The following SSRP1 variants were observed in gnomAD, a reference collection of about 807,000 sequenced individuals.
SSRP1 encodes structure specific recognition protein 1.
Under a neutral mutation model 84.4 loss-of-function variants are expected in SSRP1, and 21 were observed. The observed-to-expected ratio is 0.25, with a 90% confidence interval of 0.18 to 0.36. SSRP1 has a LOEUF of 0.36. SSRP1 is among the 10% of genes least tolerant of loss of function. The probability of loss-of-function intolerance (pLI) is 1.00; values close to 1 mark genes in which losing one functional copy is unlikely to be tolerated. For missense variants in SSRP1, 519 were observed against 900.8 expected (o/e 0.58, Z 5.43); for synonymous variants, 319 against 318.3 (o/e 1.00, Z -0.02).
intron 15 of SSRP1, chr11:57,327,184 C>A: frequency 1.5e-6 from 1 of 648,964 alleles, no homozygotes; most frequent in Non-Finnish European, 2.6e-6. Flanking sequence ...GTATTTTTTT[C>A]GTTCCCCCAT....
chr11:57,327,156 G>A (rs999932432), intron 15 of SSRP1: 5 of 664,098 alleles, frequency 7.5e-6, no homozygotes, highest in Non-Finnish European at 1.0e-5. Flanking sequence ...TGCAAACTGT[G>A]CACTGCACTC....
At position 57,326,808 on chromosome 11, in the gene SSRP1, C is replaced by G; in HGVS notation, c.1953G>C (p.Ser651=). ...STPSRGSSSK[S]SSRQLSESFK... ...AGCTCTCGCTTAGCTGCCTTGAGGA[C>G]GACTTGGATGATGAGCCCCTAGAGG... Residue 651 remains serine (S), a synonymous_variant, in exon 16 of 17, where the codon TCG becomes TCC. Transcript: ENST00000278412. The G allele has an allele frequency of 1.2e-6, 2 of 1,614,218 alleles. No homozygotes were observed. Among genetic ancestry groups the G allele is most frequent in the South Asian group, 2.2e-5 (2 of 91,088 alleles).
chr11:57,332,079 A>G lies in SSRP1; in HGVS notation c.1001+73T>C. 1 of 1,604,752 alleles carries G rather than the reference A, an allele frequency of 6.2e-7. No homozygotes were observed. The highest frequency in any genetic ancestry group is 8.5e-7 in the Non-Finnish European group (1 of 1,176,526). On this transcript the variant is annotated intron_variant, in intron 8 of 16. Coordinates refer to ENST00000278412, the MANE Select transcript of SSRP1 (RefSeq NM_003146.3). This position sits in a 1 kb window ranked among gnomAD's most constrained non-coding sequence, Gnocchi z 5.5. ...CTCTAGGAGGCCGCATTCCCATCTCAGGAAGGGTTTACCAAGGAGACACGG... is the reference window on the plus strand; with the variant it reads ...CTCTAGGAGGCCGCATTCCCATCTCGGGAAGGGTTTACCAAGGAGACACGG...
In SSRP1 at chr11:57,326,402, C is replaced by T. The variant is rs1294038654; in HGVS notation, c.*5G>A. 23 of 1,614,100 alleles carry T rather than the reference C, an allele frequency of 1.4e-5. No individual in the cohort carries two copies. Among genetic ancestry groups the T allele is most frequent in the East Asian group, 4.5e-5 (2 of 44,890 alleles). ...GGCAAGCGCAAAGAGAACCTTCCTCCGTTTCTACTCATCGGATCCTGACGC... is the reference window on the plus strand; with the variant it reads ...GGCAAGCGCAAAGAGAACCTTCCTCTGTTTCTACTCATCGGATCCTGACGC... On this transcript the variant is annotated 3_prime_UTR_variant, in exon 17 of 17. Coordinates refer to ENST00000278412, the MANE Select transcript of SSRP1 (RefSeq NM_003146.3).
At position 57,332,273 on chromosome 11, in the gene SSRP1, C is replaced by G. The variant is rs765842738; in HGVS notation, c.880G>C (p.Val294Leu). ...SLTLNMNEEE[V>L]EKRFEGRLTK... ...AGCCGACCCTCAAAGCGCTTCTCCA[C>G]TTCTTCCCTACAAAGAAAGCAAGGT... The change falls in exon 8 of 17, where the codon GTG becomes CTG. Residue 294 changes from valine to leucine, a missense_variant. Physicochemically the swap from Val to Leu is conservative, Grantham distance 32 (BLOSUM62 1). Coordinates refer to ENST00000278412, the MANE Select transcript of SSRP1 (RefSeq NM_003146.3). This position sits in a 1 kb window ranked among gnomAD's most constrained non-coding sequence, Gnocchi z 5.5. 6 of 1,614,142 alleles carry G rather than the reference C, an allele frequency of 3.7e-6. No individual in the cohort carries two copies. Among genetic ancestry groups the G allele is most frequent in the Non-Finnish European group, 5.1e-6 (6 of 1,180,038 alleles).
At chr11:57,331,303 G>A (rs1415692771) in intron 9 of SSRP1, among the ~76,000 whole-genome samples, 1 of 152,124 alleles carries the variant, frequency 6.6e-6, no homozygotes, top group Non-Finnish European at 1.5e-5. Flanking sequence ...AGTCCACAGT[G>A]AGCACTCAAT....
chr11:57,335,263 T>G lies in SSRP1; in HGVS notation c.-119-23A>C. ...AATCTGAATTCAAGAGGAAGACAGATAAGCATGAAAGACAGCACCTCGCTG... is the reference window on the plus strand; with the variant it reads ...AATCTGAATTCAAGAGGAAGACAGAGAAGCATGAAAGACAGCACCTCGCTG... On this transcript the variant is annotated intron_variant, in intron 1 of 16. Coordinates refer to ENST00000278412, the MANE Select transcript of SSRP1 (RefSeq NM_003146.3). The surrounding 1 kb of genome is among the most constrained non-coding windows in gnomAD (Gnocchi z 4.6). 1.2e-6 allele frequency: 1 copy of G among 844,310 alleles called. No individual in the cohort carries two copies. Among genetic ancestry groups the G allele is most frequent in the East Asian group, 2.5e-5 (1 of 39,934 alleles). The allele number at this position is 844,310 out of a possible 1,614,324, so 52.3% of individuals were successfully genotyped here.
At position 57,332,977 on chromosome 11, in the gene SSRP1, A is replaced by C. The variant is rs1296513761; in HGVS notation, c.519T>G (p.Asp173Glu). 1 of 1,612,982 alleles carries C rather than the reference A, an allele frequency of 6.2e-7. No individual in the cohort carries two copies. Among genetic ancestry groups the C allele is most frequent in the East Asian group, 2.2e-5 (1 of 44,876 alleles). The change falls in exon 5 of 17, where the codon GAT becomes GAG. Residue 173 changes from aspartate (D) to glutamate (E), a missense_variant. Physicochemically the swap from Asp to Glu is conservative, Grantham distance 45 (BLOSUM62 2). This residue lies in a region of SSRP1 where 159 missense variants were observed against 359.0 expected (regional missense o/e 0.44). Coordinates refer to ENST00000278412, the MANE Select transcript of SSRP1 (RefSeq NM_003146.3). This position sits in a 1 kb window ranked among gnomAD's most constrained non-coding sequence, Gnocchi z 5.5. ...VRFYVPPTQE[D>E]GVDPVEAFAQ... ...GCCTCACCTCAACAGGGTCCACACCATCCTCCTGGGTGGGTGGGACGTAGA... is the reference window on the plus strand; with the variant it reads ...GCCTCACCTCAACAGGGTCCACACCCTCCTCCTGGGTGGGTGGGACGTAGA...
In SSRP1 at chr11:57,327,700, G is replaced by A. The variant is rs200280968; in HGVS notation, c.1782+12C>T. 7.8e-5 allele frequency: 126 copies of A among 1,613,440 alleles called. 1 individual carries two copies. The highest frequency in any genetic ancestry group is 1.0e-4 in the Non-Finnish European group (123 of 1,179,702). ...CCATGAGAGGCATCACCCCTCCTCTGCTGCTACTCACCTCTTTCTTCTCTT... is the reference window on the plus strand; with the variant it reads ...CCATGAGAGGCATCACCCCTCCTCTACTGCTACTCACCTCTTTCTTCTCTT... On this transcript the variant is annotated intron_variant, in intron 14 of 16. Coordinates refer to ENST00000278412, the MANE Select transcript of SSRP1 (RefSeq NM_003146.3).
In SSRP1 at chr11:57,326,836, G is replaced by A. The variant is rs542109626; in HGVS notation, c.1925C>T (p.Thr642Met). The A allele has an allele frequency of 2.0e-5, 32 of 1,614,054 alleles. No individual in the cohort carries two copies. Among genetic ancestry groups the A allele is most frequent in the Admixed American group, 5.0e-5 (3 of 59,982 alleles). Residue 642 changes from threonine to methionine, a missense_variant, in exon 16 of 17, where the codon ACG becomes ATG. Transcript: ENST00000278412. ...KVKVKMEKKS[T>M]PSRGSSSKSS... ...CTTGGATGATGAGCCCCTAGAGGGC[G>A]TGGATTTCTTTTCCATCTTTACCTT...
chr11:57,328,508 A>G (rs1416492971), intron 12 of SSRP1, 82 bp from the exon 13 acceptor site: 2 of 1,567,900 alleles, frequency 1.3e-6, no homozygotes, highest in Non-Finnish European at 1.7e-6. Context: ...GACAAATCCA[A>G]AGATACCCAC....
Position 57,330,913 on chromosome 11 carries a change from T to C in SSRP1, c.1238A>G (p.Lys413Arg), listed in dbSNP as rs377487337. 2.0e-5 allele frequency: 32 copies of C among 1,614,202 alleles called. No homozygotes were observed. Among genetic ancestry groups the C allele is most frequent in the Non-Finnish European group, 2.6e-5 (31 of 1,180,020 alleles). The change falls in exon 10 of 17, where the codon AAA becomes AGA. Residue 413 changes from lysine (K) to arginine (R), a missense_variant. By Grantham distance (26) the Lys-to-Arg change is conservative. This residue lies in a region of SSRP1 where 16 missense variants were observed against 29.0 expected (regional missense o/e 0.55). Coordinates refer to ENST00000278412, the MANE Select transcript of SSRP1 (RefSeq NM_003146.3). The surrounding 1 kb of genome is among the most constrained non-coding windows in gnomAD (Gnocchi z 4.0). ...FSSIEREEYG[K>R]LFDFVNAKKL... is the part of the protein sequence containing the mutation. ...TTTCGCGTTGACAAAATCAAACAGT[T>C]TCCCGTACTCCTCCCTGTGAGGGGA...
At position 57,326,724 on chromosome 11, in the gene SSRP1, T is replaced by A; in HGVS notation, c.2037A>T (p.Lys679Asn). The change falls in exon 16 of 17, where the codon AAA becomes AAT. Residue 679 changes from lysine (K) to asparagine (N), a missense_variant. By Grantham distance (94) the Lys-to-Asn change is moderately conservative. Coordinates refer to ENST00000278412, the MANE Select transcript of SSRP1 (RefSeq NM_003146.3). ...GCACCTCGCTCCTCCTCCTCTTCTT[T>A]TTGCTCTTGTTCTCTCCCGAAGAGC... ...DESSSGENKS[K>N]KKRRRSEDSE... The A allele has an allele frequency of 6.2e-7, 1 of 1,613,778 alleles. No individual in the cohort carries two copies. Among genetic ancestry groups the A allele is most frequent in the Non-Finnish European group, 8.5e-7 (1 of 1,179,834 alleles).
chr11:57,332,140 CCA>C lies in SSRP1; in HGVS notation c.1001+10_1001+11del. 1 of 1,613,266 alleles carries C rather than the reference CCA, an allele frequency of 6.2e-7. No homozygotes were observed. The highest frequency in any genetic ancestry group is 8.5e-7 in the Non-Finnish European group (1 of 1,179,898). On this transcript the variant is annotated intron_variant, in intron 8 of 16. Coordinates refer to ENST00000278412, the MANE Select transcript of SSRP1 (RefSeq NM_003146.3). This position sits in a 1 kb window ranked among gnomAD's most constrained non-coding sequence, Gnocchi z 5.5. ...ACCCAGGCAGGGCAGGATCCCAGGC[CCA>C]CACTCTCACCCTTGGAAGTTGCCTG...
chr11:57,326,521 G>C, intron 16 of SSRP1, 43 bp from the exon 17 acceptor site: 1 of 1,612,752 alleles, frequency 6.2e-7, no homozygotes, highest in Non-Finnish European at 8.5e-7. Flanking sequence ...GGAGTCCTGG[G>C]TGCCCCACCC....
chr11:57,334,886 G>A (rs894556173), intron 2 of SSRP1, among the ~76,000 whole-genome samples, 182 bp downstream of exon 2: 16 of 152,272 alleles, frequency 1.1e-4, no homozygotes, highest in Non-Finnish European at 2.1e-4. Flanking sequence ...CAGCATATAC[G>A]GTCCCTATAA....
At chr11:57,328,633 G>C in intron 12 of SSRP1, 1 of 589,522 alleles carries the variant, frequency 1.7e-6, no homozygotes, top group Non-Finnish European at 2.8e-6. Context: ...CCCAGCCACA[G>C]CAATTGGTTA....
At position 57,326,037 on chromosome 11, in the gene SSRP1, C is replaced by G. The variant is rs1411519915; in HGVS notation, c.*370G>C. The G allele has an allele frequency of 4.2e-6, 1 of 236,086 alleles. No individual in the cohort carries two copies. The highest frequency in any genetic ancestry group is 9.0e-5 in the East Asian group (1 of 11,112). The allele number at this position is 236,086 out of a possible 1,614,324, so 14.6% of individuals were successfully genotyped here. A position where few individuals can be genotyped will look rare whatever the true frequency, so the allele number is the denominator to read the frequency against. ...AAATCATTTTCACAGACCAGAAATA[C>G]AAAATGAAAGTAGAAATAGGCCCCA... On this transcript the variant is annotated 3_prime_UTR_variant, in exon 17 of 17. Transcript: ENST00000278412.
intron 13 of SSRP1, 107 bp downstream of exon 13, chr11:57,328,190 A>C: frequency 6.6e-7 from 1 of 1,505,732 alleles, no homozygotes; most frequent in Non-Finnish European, 8.9e-7. Flanking sequence ...AACAGCCCCA[A>C]GGAAGAACAG....
Sources: gnomAD v4.1 joint callset for allele counts (sites outside exome capture counted in the v4.1 genomes callset) on GRCh38, gnomAD v4.1.1 for gene constraint, gnomAD v4.1.1 regional missense constraint, Gnocchi (gnomAD v3.1) non-coding constraint, MANE v1.5 for transcripts, NCBI Gene and HGNC (gene_info 2026-07-23, HGNC 2026-07-21) for gene names.